The following NXPE4 variants were observed in gnomAD, a reference collection of about 807,000 sequenced individuals.
NXPE4 encodes the protein NXPE family member 4.
In NXPE4, 42 loss-of-function variants were observed where a neutral mutation model predicts 33.3. The observed-to-expected ratio is 1.26, with a 90% CI of 0.98 to 1.63. The LOEUF (loss-of-function observed/expected upper bound fraction) is 1.63. NXPE4 is among the 40% of genes most tolerant of loss of function. The pLI is 0.00. For synonymous variants in NXPE4, 253 were observed against 234.9 expected (o/e 1.08, Z -0.71); for missense variants, 709 against 647.6 (o/e 1.09, Z -1.03).
At chr11:114,623,482 G>C in the NXPE4 span, among the ~76,000 whole-genome samples, 1 of 151,934 alleles carries the variant, frequency 6.6e-6, no homozygotes, top group Non-Finnish European at 1.5e-5. Flanking sequence ...ATTTCCTCTC[G>C]GGTAACCACT....
the NXPE4 span, among the ~76,000 whole-genome samples, chr11:114,626,777 T>A: frequency 6.6e-6 from 1 of 151,604 alleles, no homozygotes; most frequent in East Asian, 1.9e-4. Context: ...TTGAAAAAAA[T>A]TTAGAATAAT....
At chr11:114,575,291 A>G (rs1948971957) in intron 5 of NXPE4, among the ~76,000 whole-genome samples, 1 of 152,134 alleles carries the variant, frequency 6.6e-6, no homozygotes, top group Non-Finnish European at 1.5e-5. Flanking sequence ...CAAGACAAGA[A>G]TGCCCATTCT....
chr11:114,668,585 C>A, the NXPE4 span, among the ~76,000 whole-genome samples: 2 of 151,916 alleles, frequency 1.3e-5, no homozygotes, highest in Non-Finnish European at 2.9e-5. Flanking sequence ...ATAAACACAG[C>A]CATAAGGTAT....
chr11:114,652,466 T>G, the NXPE4 span, among the ~76,000 whole-genome samples: 2 of 152,178 alleles, frequency 1.3e-5, no homozygotes, highest in Non-Finnish European at 1.5e-5. Context: ...TGTGTTAAGC[T>G]TTTAGGGTCA....
intron 2 of NXPE4, among the ~76,000 whole-genome samples, chr11:114,586,148 A>G (rs1949291931): frequency 6.6e-6 from 1 of 151,954 alleles, no homozygotes; most frequent in Non-Finnish European, 1.5e-5. Flanking sequence ...CATCTATAAA[A>G]TCTCCTGCAC....
chr11:114,616,447 A>T, the NXPE4 span, among the ~76,000 whole-genome samples: 1 of 151,632 alleles, frequency 6.6e-6, no homozygotes, highest in South Asian at 2.1e-4. Flanking sequence ...CTCTAGTGTA[A>T]CCACTGTTAC....
chr11:114,651,344 G>A, the NXPE4 span, among the ~76,000 whole-genome samples: 780 of 151,686 alleles, frequency 5.1e-3, 3 homozygotes, highest in African/African-American at 0.017. Context: ...AAGGTGGCAC[G>A]TCCGGAGTTG....
the NXPE4 span, among the ~76,000 whole-genome samples, chr11:114,604,784 A>G: frequency 6.6e-6 from 1 of 152,060 alleles, no homozygotes; most frequent in South Asian, 2.1e-4. Context: ...CCAGTGGATA[A>G]TAAGTGTTGC....
chr11:114,586,393 T>A (rs1388087495), intron 2 of NXPE4, among the ~76,000 whole-genome samples: 1 of 152,126 alleles, frequency 6.6e-6, no homozygotes, highest in Non-Finnish European at 1.5e-5. Flanking sequence ...AGTATAGAAG[T>A]GGACCCCAAC....
upstream of NXPE4, among the ~76,000 whole-genome samples, chr11:114,598,284 G>C (rs1197971078): frequency 4.8e-5 from 1 of 20,990 alleles, no homozygotes; most frequent in African/African-American, 2.3e-4. Flanking sequence ...CTCTGCCCCT[G>C]TGGCTTTGTG....
the NXPE4 span, among the ~76,000 whole-genome samples, chr11:114,629,160 T>G: frequency 6.6e-6 from 1 of 152,094 alleles, no homozygotes; most frequent in South Asian, 2.1e-4. Flanking sequence ...GAACCCTCCC[T>G]AACTCATTTT....
chr11:114,601,923 A>ATTATATATTATAT, the NXPE4 span, among the ~76,000 whole-genome samples: 4 of 70,362 alleles, frequency 5.7e-5, no homozygotes, highest in Non-Finnish European at 7.4e-5. Context: ...ATTATATATA[A>ATTATATATTATAT]TATATTTATA....
chr11:114,634,400 C>G, the NXPE4 span, among the ~76,000 whole-genome samples: 4 of 151,930 alleles, frequency 2.6e-5, no homozygotes. Flanking sequence ...AGATTTTCTC[C>G]CATTTTGTAG....
the NXPE4 span, among the ~76,000 whole-genome samples, chr11:114,640,322 A>G: frequency 6.8e-6 from 1 of 147,032 alleles, no homozygotes; most frequent in African/African-American, 2.5e-5. Flanking sequence ...TATATATTAT[A>G]TGTTTATATT....
At chr11:114,624,445 T>C in the NXPE4 span, among the ~76,000 whole-genome samples, 1 of 152,064 alleles carries the variant, frequency 6.6e-6, no homozygotes, top group Non-Finnish European at 1.5e-5. Context: ...TATTGCCTCA[T>C]GGGTAACCAC....
chr11:114,667,283 G>A, the NXPE4 span, among the ~76,000 whole-genome samples: 1 of 152,094 alleles, frequency 6.6e-6, no homozygotes, highest in African/African-American at 2.4e-5. Context: ...GAGTAACAGA[G>A]TGAATTTTAA....
chr11:114,608,157 C>T, the NXPE4 span, among the ~76,000 whole-genome samples: 1 of 151,772 alleles, frequency 6.6e-6, no homozygotes, highest in Admixed American at 6.6e-5. Flanking sequence ...ACCAGAGTTA[C>T]CCTGTGGATA....
chr11:114,631,952 A>G, the NXPE4 span, among the ~76,000 whole-genome samples: 1 of 150,730 alleles, frequency 6.6e-6, no homozygotes, highest in Non-Finnish European at 1.5e-5. Flanking sequence ...CCTTGTAGGT[A>G]ACTACTATTA....
At chr11:114,578,421 T>G (rs2135208101) in intron 5 of NXPE4, among the ~76,000 whole-genome samples, 1 of 152,328 alleles carries the variant, frequency 6.6e-6, no homozygotes, top group South Asian at 2.1e-4. Context: ...AGAGAATCAC[T>G]GTTACAGAAT....
Sources: gnomAD v4.1 joint callset for allele counts (sites outside exome capture counted in the v4.1 genomes callset) on GRCh38, gnomAD v4.1.1 for gene constraint, MANE v1.5 for transcripts, NCBI Gene and HGNC (gene_info 2026-07-23, HGNC 2026-07-21) for gene names.